Variants in DIAPH3 observed in about 807,000 individuals in gnomAD.
DIAPH3 encodes diaphanous related formin 3.
Under a neutral mutation model 144.3 loss-of-function variants are expected in DIAPH3, and 117 were observed. The observed-to-expected ratio is 0.81, with a 90% CI of 0.70 to 0.95. The LOEUF (loss-of-function observed/expected upper bound fraction) is 0.95, where lower values mean the gene tolerates loss of function less well. DIAPH3 is among the 40% of genes least tolerant of loss of function. DIAPH3 has a pLI of 0.00. For missense variants in DIAPH3, 1,421 were observed against 1,412.7 expected (o/e 1.01, Z -0.09); for synonymous variants, 519 against 488.9 (o/e 1.06, Z -0.81).
intron 27 of DIAPH3, among the ~76,000 whole-genome samples, chr13:59,762,934 A>T (rs907165312): frequency 2.6e-5 from 4 of 152,072 alleles, no homozygotes; most frequent in African/African-American, 9.7e-5. Context: ...TGTCTCCCTT[A>T]GCCCATCACC....
chr13:60,039,792 C>A (rs551869242), intron 5 of DIAPH3, among the ~76,000 whole-genome samples: 16 of 152,048 alleles, frequency 1.1e-4, no homozygotes, highest in Non-Finnish European at 1.8e-4. Flanking sequence ...TAGTCACATA[C>A]TGTATAAAAA....
At chr13:59,804,142 G>C (rs1013556131) in intron 25 of DIAPH3, among the ~76,000 whole-genome samples, 4 of 152,146 alleles carry the variant, frequency 2.6e-5, no homozygotes, top group African/African-American at 9.7e-5. Context: ...GAACTATTCA[G>C]AACATTGAAG....
intron 22 of DIAPH3, among the ~76,000 whole-genome samples, chr13:59,844,105 TAA>T (rs60906914): frequency 2.3e-3 from 331 of 144,732 alleles, no homozygotes; most frequent in Non-Finnish European, 2.5e-3. Flanking sequence ...TCCCAGAACT[TAA>T]AAAAAAAAAA....
rs183132167 is a variant in DIAPH3 at position 60,083,277 on chromosome 13, A to G, written c.495+10351T>C. Among the ~76,000 whole-genome samples, 568 of 152,212 alleles carry G rather than the reference A, an allele frequency of 3.7e-3. 2 individuals carry two copies. The highest frequency in any genetic ancestry group is 0.012 in the African/African-American group (501 of 41,554). ...GAGAATGATAGAGAATGAAATCAAT[A>G]TATTGAAAGCTGGCAAATAAAGGAA... On this transcript the variant is annotated intron_variant, in intron 4 of 27. Transcript: ENST00000400324.
intron 27 of DIAPH3, among the ~76,000 whole-genome samples, chr13:59,725,348 A>C (rs2035557297): frequency 6.6e-6 from 1 of 152,214 alleles, no homozygotes; most frequent in Non-Finnish European, 1.5e-5. Flanking sequence ...ATTATCAAGA[A>C]GAAATAATAG....
At chr13:59,936,560 C>T (rs1398597605) in intron 17 of DIAPH3, among the ~76,000 whole-genome samples, 1 of 152,154 alleles carries the variant, frequency 6.6e-6, no homozygotes, top group Non-Finnish European at 1.5e-5. Context: ...CTATCTATCA[C>T]ATATATCTTA....
intron 17 of DIAPH3, among the ~76,000 whole-genome samples, chr13:59,943,731 G>A (rs2048659772): frequency 6.6e-6 from 1 of 152,128 alleles, no homozygotes; most frequent in African/African-American, 2.4e-5. Context: ...TTTATATAAA[G>A]TGAAAAGCAT....
chr13:60,044,690 G>A (rs1293084102), intron 4 of DIAPH3, among the ~76,000 whole-genome samples: 1 of 152,154 alleles, frequency 6.6e-6, no homozygotes, highest in Non-Finnish European at 1.5e-5. Context: ...CATATATAGA[G>A]AGAATATTAA....
At chr13:60,003,151 C>T (rs2052620808) in intron 9 of DIAPH3, among the ~76,000 whole-genome samples, 1 of 152,106 alleles carries the variant, frequency 6.6e-6, no homozygotes, top group African/African-American at 2.4e-5. Flanking sequence ...GTGCTGACCA[C>T]AGCAGAGAGT....
chr13:60,023,051 C>G (rs1031733872), intron 5 of DIAPH3, among the ~76,000 whole-genome samples: 2 of 152,006 alleles, frequency 1.3e-5, no homozygotes, highest in African/African-American at 4.8e-5. Flanking sequence ...GTAATTCAAG[C>G]CTCATTTTAA....
chr13:60,041,244 A>T (rs2055645249), intron 5 of DIAPH3, among the ~76,000 whole-genome samples: 1 of 152,196 alleles, frequency 6.6e-6, no homozygotes, highest in African/African-American at 2.4e-5. Context: ...TCAGTTTCTA[A>T]CACTAGCCAA....
rs575626799 is a variant in DIAPH3 at position 60,132,159 on chromosome 13, T to C, written c.213+798A>G. ...TAAGTCATTCATGTCAAGATCTACG[T>C]TTCATTCGTCTTTGTATTCTGCCTT... On this transcript the variant is annotated intron_variant, in intron 2 of 27. Transcript: ENST00000400324. Among the ~76,000 whole-genome samples the C allele has an allele frequency of 2.0e-5, 3 of 152,288 alleles. No homozygotes were observed. The East Asian group carries it at 5.8e-4, about 29-fold the overall frequency.
At chr13:59,944,092 T>C (rs892086428) in intron 17 of DIAPH3, among the ~76,000 whole-genome samples, 4 of 152,098 alleles carry the variant, frequency 2.6e-5, no homozygotes, top group African/African-American at 7.2e-5. Context: ...CTCATACTTG[T>C]AGTCCCAGCT....
intron 25 of DIAPH3, among the ~76,000 whole-genome samples, chr13:59,801,717 C>A (rs1360652889): frequency 6.6e-6 from 1 of 152,136 alleles, no homozygotes; most frequent in Non-Finnish European, 1.5e-5. Context: ...ATTGTTAACT[C>A]TGTTACTATC....
chr13:59,776,274 G>C (rs935379319), intron 25 of DIAPH3, among the ~76,000 whole-genome samples: 1 of 152,082 alleles, frequency 6.6e-6, no homozygotes, highest in African/African-American at 2.4e-5. Context: ...TTTTAGAAGA[G>C]TACTAAACCT....
intron 4 of DIAPH3, among the ~76,000 whole-genome samples, chr13:60,077,788 G>A (rs544802128): frequency 6.6e-6 from 1 of 152,160 alleles, no homozygotes; most frequent in African/African-American, 2.4e-5. Flanking sequence ...GAAAGCACAT[G>A]ATGCTGGGTG....
intron 1 of DIAPH3, among the ~76,000 whole-genome samples, chr13:60,140,238 C>G (rs2059396840): frequency 6.6e-6 from 1 of 152,148 alleles, no homozygotes; most frequent in African/African-American, 2.4e-5. Flanking sequence ...TCAGCATCAC[C>G]ATAAAGGAAA....
At chr13:60,004,224 T>G (rs2052716215) in intron 9 of DIAPH3, among the ~76,000 whole-genome samples, 1 of 152,214 alleles carries the variant, frequency 6.6e-6, no homozygotes, top group African/African-American at 2.4e-5. Context: ...TCATCTAGTT[T>G]AGCACATTTT....
At position 59,971,479 on chromosome 13, in the gene DIAPH3, T is replaced by A. The variant is rs535196326; in HGVS notation, c.1651-319A>T. ...AGAAGATTTGAAAATCAGTAGTCTC[T>A]GGAGAACAGTTGAAGCCAGGGAAGC... On this transcript the variant is annotated intron_variant, in intron 15 of 27. Transcript: ENST00000400324. 2.0e-5 allele frequency among the ~76,000 whole-genome samples: 3 copies of A among 152,264 alleles called. No homozygotes were observed. The South Asian group carries it at 6.2e-4, about 32-fold the overall frequency.
Sources: gnomAD v4.1 joint callset for allele counts (sites outside exome capture counted in the v4.1 genomes callset) on GRCh38, gnomAD v4.1.1 for gene constraint, MANE v1.5 for transcripts, NCBI Gene and HGNC (gene_info 2026-07-23, HGNC 2026-07-21) for gene names.